SETD3: variants seen among roughly 807,000 people sequenced by gnomAD.
SETD3 encodes actin-histidine N-methyltransferase.
In SETD3, 19 loss-of-function variants were observed where a neutral mutation model predicts 63.0. The ratio of observed to expected loss-of-function variants is 0.30; its 90% CI spans 0.21 to 0.44. The LOEUF (loss-of-function observed/expected upper bound fraction) is 0.44. Among genes scored for constraint, SETD3 ranks in the 20% least tolerant of loss-of-function variants. The pLI is 1.00. For missense variants in SETD3, 587 were observed against 728.5 expected (o/e 0.81, Z 2.24); for synonymous variants, 286 against 264.1 (o/e 1.08, Z -0.80).
chr14:99,445,133 A>T (rs1196897731), intron 6 of SETD3, among the ~76,000 whole-genome samples: 2 of 152,228 alleles, frequency 1.3e-5, no homozygotes, highest in Non-Finnish European at 1.5e-5. Context: ...ATCCCAAATG[A>T]ATACTGGCAG....
intron 6 of SETD3, among the ~76,000 whole-genome samples, chr14:99,453,986 G>A (rs531027183): frequency 4.5e-4 from 68 of 152,262 alleles, no homozygotes; most frequent in Middle Eastern, 6.8e-3. Context: ...CTTACTACAC[G>A]TAAAGACTGC....
At chr14:99,460,969 C>A (rs1895031897) in intron 4 of SETD3, among the ~76,000 whole-genome samples, 1 of 152,196 alleles carries the variant, frequency 6.6e-6, no homozygotes, top group Non-Finnish European at 1.5e-5. Context: ...GAAATGTGAA[C>A]TGACTTGCCC....
chr14:99,453,622 C>T (rs1327346855), intron 6 of SETD3, among the ~76,000 whole-genome samples: 1 of 152,002 alleles, frequency 6.6e-6, no homozygotes, highest in Non-Finnish European at 1.5e-5. Flanking sequence ...ATCAGGAGTT[C>T]GAGACTAGCC....
At chr14:99,415,306 C>T (rs1407280527) in intron 6 of SETD3, among the ~76,000 whole-genome samples, 1 of 152,120 alleles carries the variant, frequency 6.6e-6, no homozygotes, top group Non-Finnish European at 1.5e-5. Context: ...ATCTCTAAGT[C>T]TAAAAATTTG....
At chr14:99,407,086 G>C (rs965986655) in intron 8 of SETD3, among the ~76,000 whole-genome samples, 4 of 152,210 alleles carry the variant, frequency 2.6e-5, no homozygotes, top group Non-Finnish European at 4.4e-5. Flanking sequence ...CTCTATTTCT[G>C]AATTATGGAT....
intron 6 of SETD3, among the ~76,000 whole-genome samples, chr14:99,424,992 T>C (rs867443138): frequency 2.6e-5 from 4 of 151,928 alleles, no homozygotes; most frequent in African/African-American, 4.8e-5. Flanking sequence ...AGAAAGGGGA[T>C]GGTGGGGAGG....
intron 6 of SETD3, among the ~76,000 whole-genome samples, chr14:99,414,137 C>T (rs1444830366): frequency 6.6e-6 from 1 of 152,272 alleles, no homozygotes; most frequent in African/African-American, 2.4e-5. Flanking sequence ...TTGTGCCCAG[C>T]AGCCGCCATA....
At chr14:99,412,677 T>A in intron 8 of SETD3, 1 of 324,568 alleles carries the variant, frequency 3.1e-6, no homozygotes, top group South Asian at 1.1e-4. Context: ...GAGGCTGGAA[T>A]TATGGCTTAG....
chr14:99,458,561 G>A (rs751548669), intron 5 of SETD3, 26 bp from the exon 6 acceptor site: 11 of 1,588,546 alleles, frequency 6.9e-6, no homozygotes, highest in African/African-American at 6.8e-5. Flanking sequence ...AGTTAACAGC[G>A]TAAGTTCCAC....
intron 6 of SETD3, among the ~76,000 whole-genome samples, chr14:99,456,111 T>C (rs939931569): frequency 2.0e-5 from 3 of 152,292 alleles, no homozygotes; most frequent in South Asian, 2.1e-4. Context: ...GCCATCATCA[T>C]GCCACTACAC....
At chr14:99,467,104 G>A (rs1468587524) in intron 1 of SETD3, among the ~76,000 whole-genome samples, 1 of 151,998 alleles carries the variant, frequency 6.6e-6, no homozygotes, top group East Asian at 1.9e-4. Context: ...TAAAACAGTA[G>A]GACATCACAT....
chr14:99,410,007 T>A, intron 8 of SETD3: 1 of 467,286 alleles, frequency 2.1e-6, no homozygotes, highest in East Asian at 3.3e-5. Context: ...AATAATTTTT[T>A]AAAAAGGCAG....
rs1891291690 is a variant in SETD3, at chr14:99,399,825, A to G, written c.1338+274T>C. 3.6e-5 allele frequency among the ~76,000 whole-genome samples: 5 copies of G among 137,374 alleles called. No homozygotes were observed. The South Asian group carries it at 1.1e-3, about 31-fold the overall frequency. 90.1% of individuals were successfully genotyped at this position (137,374 alleles called of 152,430 possible). A position where few individuals can be genotyped will look rare whatever the true frequency, so the allele number is the denominator to read the frequency against. On this transcript the variant is annotated intron_variant, in intron 12 of 12. Coordinates refer to ENST00000331768, the MANE Select transcript of SETD3 (RefSeq NM_032233.3). ...GAGTGCAGTGTCGAGATCTCAGCTC[A>G]CTGCAACCTCCGCCTCCTGGGTTCA...
At chr14:99,466,681 G>A (rs1355169591) in intron 1 of SETD3, among the ~76,000 whole-genome samples, 1 of 151,996 alleles carries the variant, frequency 6.6e-6, no homozygotes, top group East Asian at 1.9e-4. Context: ...AGCACAGTGA[G>A]GAAGGGAACC....
intron 6 of SETD3, among the ~76,000 whole-genome samples, chr14:99,436,873 A>C (rs977224410): frequency 1.3e-5 from 2 of 152,056 alleles, no homozygotes; most frequent in African/African-American, 4.8e-5. Flanking sequence ...ATTCCTGAGC[A>C]CCTCCCTCCA....
intron 1 of SETD3, among the ~76,000 whole-genome samples, chr14:99,471,077 C>T (rs1411951260): frequency 6.6e-6 from 1 of 152,204 alleles, no homozygotes; most frequent in Non-Finnish European, 1.5e-5. Flanking sequence ...ACTTCCACAG[C>T]ACAGTCCCTG....
At chr14:99,464,233 C>T (rs933372890) in intron 2 of SETD3, among the ~76,000 whole-genome samples, 2 of 152,230 alleles carry the variant, frequency 1.3e-5, no homozygotes, top group Admixed American at 6.5e-5. Flanking sequence ...AAAGACTGCA[C>T]ACTGGGCACC....
At position 99,412,976 on chromosome 14, in the gene SETD3, TC is replaced by T; in HGVS notation, c.823del (p.Asp275IlefsTer9). On this transcript the variant is annotated frameshift_variant, in exon 8 of 13. Coordinates refer to ENST00000331768, the MANE Select transcript of SETD3 (RefSeq NM_032233.3). LOFTEE classifies it high-confidence loss of function. The part of the protein sequence containing the change: ...RVTLALIPLW[D>X]MCNHTNGLIT... ...CAGGCCGTTGGTGTGGTTACACATA[TC>T]CCATAAAGGAATCAGAGCCAGGGTC... is the stretch of plus-strand genomic sequence containing the variant. The T allele has an allele frequency of 6.2e-7, 1 of 1,613,708 alleles. No homozygotes were observed. Among genetic ancestry groups the T allele is most frequent in the Admixed American group, 1.7e-5 (1 of 60,020 alleles).
intron 6 of SETD3, among the ~76,000 whole-genome samples, chr14:99,438,643 C>A (rs1893621583): frequency 6.6e-6 from 1 of 152,238 alleles, no homozygotes; most frequent in Non-Finnish European, 1.5e-5. Context: ...AGGTACTTCT[C>A]GGATTCACCA....
Sources: allele counts gnomAD v4.1 joint callset (sites outside exome capture counted in the v4.1 genomes callset), GRCh38; gene constraint gnomAD v4.1.1; transcripts MANE v1.5; gene names NCBI Gene and HGNC (gene_info 2026-07-23, HGNC 2026-07-21).